KCNIP3: variants seen among roughly 807,000 people sequenced by gnomAD.
The protein encoded by KCNIP3 is potassium voltage-gated channel interacting protein 3, also known as calsenilin.
A neutral mutation model predicts 35.0 loss-of-function variants in KCNIP3; 28 were observed. The ratio of observed to expected loss-of-function variants is 0.80; its 90% CI spans 0.59 to 1.10. The LOEUF is 1.10. Ranked by LOEUF, KCNIP3 falls within the 50% of genes least tolerant of loss-of-function variation. The pLI is 0.00. For missense variants in KCNIP3, 295 were observed against 338.4 expected (o/e 0.87, Z 1.01); for synonymous variants, 134 against 133.8 (o/e 1.00, Z -0.01).
rs959380048 is a variant in KCNIP3, at chr2:95,378,847, C to CAT, written c.448-2741_448-2740dup. On this transcript the variant is annotated intron_variant, in intron 5 of 8. Coordinates refer to ENST00000295225, the MANE Select transcript of KCNIP3 (RefSeq NM_013434.5). This position sits in a 1 kb window ranked among gnomAD's most constrained non-coding sequence, Gnocchi z 4.0. ...ATATATACACACATATTTATATACA[C>CAT]ATATATATACACATATATACACACA... Among the ~76,000 whole-genome samples the CAT allele has an allele frequency of 6.6e-5, 10 of 150,416 alleles. No individual in the cohort carries two copies. Among genetic ancestry groups the CAT allele is most frequent in the African/African-American group, 2.2e-4 (9 of 40,618 alleles).
At chr2:95,326,492 A>G (rs1171364735) in intron 2 of KCNIP3, among the ~76,000 whole-genome samples, 1 of 152,220 alleles carries the variant, frequency 6.6e-6, no homozygotes, top group Non-Finnish European at 1.5e-5. Context: ...AGCGCCCAAC[A>G]TGGCCTACAG....
intron 2 of KCNIP3, among the ~76,000 whole-genome samples, chr2:95,317,514 C>T (rs1007377893): frequency 2.6e-5 from 4 of 152,118 alleles, no homozygotes; most frequent in African/African-American, 9.7e-5. Flanking sequence ...CTCTGGCTGC[C>T]CCGGGGCTCT....
intron 2 of KCNIP3, chr2:95,313,585 C>T (rs1226012395): frequency 2.0e-5 from 3 of 152,286 alleles, no homozygotes; most frequent in Admixed American, 1.3e-4. Context: ...TGCAGGATGC[C>T]TCTCCAGAGG....
chr2:95,304,307 G>A (rs558308742), intron 1 of KCNIP3, among the ~76,000 whole-genome samples: 1 of 152,330 alleles, frequency 6.6e-6, no homozygotes, highest in Non-Finnish European at 1.5e-5. Flanking sequence ...TAAGTGGGAA[G>A]CCGGGAGCAG....
intron 2 of KCNIP3, among the ~76,000 whole-genome samples, chr2:95,319,128 T>C (rs1243968976): frequency 1.3e-5 from 2 of 152,216 alleles, no homozygotes; most frequent in African/African-American, 4.8e-5. Context: ...AATGTAAGAT[T>C]GAGCATACAC....
At chr2:95,349,099 C>T (rs1300880550) in intron 2 of KCNIP3, among the ~76,000 whole-genome samples, 2 of 152,178 alleles carry the variant, frequency 1.3e-5, no homozygotes, top group African/African-American at 2.4e-5. Flanking sequence ...CCCCCCCCGC[C>T]CCCCGTCAGA....
chr2:95,326,630 A>G (rs188472823), intron 2 of KCNIP3, among the ~76,000 whole-genome samples: 23 of 151,996 alleles, frequency 1.5e-4, no homozygotes, highest in Admixed American at 1.3e-3. Context: ...GTTGCTCTTG[A>G]CTCTTTTCCT....
chr2:95,310,227 G>A, intron 1 of KCNIP3, 128 bp from the exon 2 acceptor site: 1 of 1,105,856 alleles, frequency 9.0e-7, no homozygotes. Flanking sequence ...TAGGCATGCA[G>A]CCCCGGAAGG....
intron 5 of KCNIP3, among the ~76,000 whole-genome samples, chr2:95,379,788 C>T (rs375363301): frequency 2.6e-5 from 4 of 152,248 alleles, no homozygotes; most frequent in East Asian, 1.9e-4. Flanking sequence ...GACACTGACC[C>T]GTGATGGGTC....
intron 1 of KCNIP3, among the ~76,000 whole-genome samples, chr2:95,309,596 G>A (rs1399276120): frequency 6.6e-6 from 1 of 152,064 alleles, no homozygotes; most frequent in East Asian, 1.9e-4. Context: ...GCTAATTTTT[G>A]TATTTTTAGT....
chr2:95,356,079 C>T (rs983783181), intron 2 of KCNIP3, among the ~76,000 whole-genome samples: 3 of 152,190 alleles, frequency 2.0e-5, no homozygotes, highest in Non-Finnish European at 2.9e-5. Flanking sequence ...TTTTGATTTG[C>T]GTTTCTCTGA....
intron 2 of KCNIP3, among the ~76,000 whole-genome samples, chr2:95,368,315 A>G (rs1460999482): frequency 6.6e-6 from 1 of 151,648 alleles, no homozygotes; most frequent in African/African-American, 2.4e-5. Context: ...AACAGCAACT[A>G]TGTCACCAAA....
rs368628936 is a variant in KCNIP3 at position 95,325,798 on chromosome 2, C to T, written c.181+15278C>T. Among the ~76,000 whole-genome samples, 49 of 151,496 alleles carry T rather than the reference C, an allele frequency of 3.2e-4. 1 individual carries two copies. The highest frequency in any genetic ancestry group is 1.1e-3 in the African/African-American group (45 of 41,278). ...ATACACACACTCATACACACTCATA[C>T]ACACATACACTCATACACACATACA... On this transcript the variant is annotated intron_variant, in intron 2 of 8. Coordinates refer to ENST00000295225, the MANE Select transcript of KCNIP3 (RefSeq NM_013434.5).
intron 2 of KCNIP3, among the ~76,000 whole-genome samples, chr2:95,328,187 G>A (rs1212380470): frequency 6.6e-6 from 1 of 152,184 alleles, no homozygotes; most frequent in Non-Finnish European, 1.5e-5. Flanking sequence ...CCAGGACTGG[G>A]AAAATGGGCC....
chr2:95,351,867 G>A (rs1396214909), intron 2 of KCNIP3, among the ~76,000 whole-genome samples: 1 of 152,150 alleles, frequency 6.6e-6, no homozygotes, highest in Non-Finnish European at 1.5e-5. Flanking sequence ...TGGGGTGTAC[G>A]TGTCAGGAAT....
chr2:95,300,321 T>A (rs2104194127), intron 1 of KCNIP3, among the ~76,000 whole-genome samples: 1 of 152,304 alleles, frequency 6.6e-6, no homozygotes, highest in African/African-American at 2.4e-5. Flanking sequence ...CATTTTAAAT[T>A]CAGGCTGCCT....
intron 1 of KCNIP3, among the ~76,000 whole-genome samples, chr2:95,303,883 G>T (rs191044772): frequency 7.2e-5 from 11 of 152,014 alleles, no homozygotes; most frequent in African/African-American, 2.4e-4. Context: ...AGTAAAGAAA[G>T]AAAAAAAGGT....
intron 1 of KCNIP3, among the ~76,000 whole-genome samples, chr2:95,300,041 T>A (rs1266714291): frequency 6.6e-6 from 1 of 152,222 alleles, no homozygotes; most frequent in Non-Finnish European, 1.5e-5. Context: ...AACCCTGCTC[T>A]GTCTTACTCC....
At chr2:95,374,171 T>C in intron 2 of KCNIP3, 125 bp from the exon 3 acceptor site, 1 of 1,216,082 alleles carries the variant, frequency 8.2e-7, no homozygotes, top group Non-Finnish European at 1.2e-6. Flanking sequence ...TGTGTGGCTG[T>C]CCATGGTAGT....
Sources: allele counts gnomAD v4.1 joint callset (sites outside exome capture counted in the v4.1 genomes callset), GRCh38; gene constraint gnomAD v4.1.1; non-coding constraint Gnocchi (gnomAD v3.1); transcripts MANE v1.5; gene names NCBI Gene and HGNC (gene_info 2026-07-23, HGNC 2026-07-21).